PCDHA10: variants seen among roughly 807,000 people sequenced by gnomAD.
PCDHA10 encodes protocadherin alpha-10.
PCDHA10 carries 45 observed loss-of-function variants against 61.2 expected under a neutral mutation model. That is an observed-to-expected ratio of 0.74 (90% CI 0.58 to 0.94). PCDHA10 has a LOEUF of 0.94. Ranked by LOEUF, PCDHA10 falls within the 40% of genes least tolerant of loss-of-function variation. The pLI is 0.00. For missense variants in PCDHA10, 1,278 were observed against 1,236.2 expected (o/e 1.03, Z -0.51); for synonymous variants, 602 against 548.8 (o/e 1.10, Z -1.35).
chr5:140,914,801 A>G (rs976508278), intron 1 of PCDHA10, among the ~76,000 whole-genome samples: 2 of 152,164 alleles, frequency 1.3e-5, no homozygotes, highest in African/African-American at 4.8e-5. Context: ...TTTTAAACTG[A>G]TGGCAACTTA....
At position 140,857,543 on chromosome 5, in the gene PCDHA10, G is replaced by A. The variant is rs782244721; in HGVS notation, c.1495G>A (p.Gly499Ser). The change falls in exon 1 of 4, where the codon GGC (glycine) becomes AGC (serine). Residue 499 changes from glycine (G) to serine (S), a missense_variant. Transcript: ENST00000307360. ...VSYSLVERRL[G>S]ERSLSSYVSV... The stretch of plus-strand genomic sequence containing the variant: ...CTACTCTCTGGTGGAGCGGCGGTTG[G>A]GCGAGCGCTCGCTGTCGAGCTACGT... 2 of 1,597,220 alleles carry A rather than the reference G, an allele frequency of 1.3e-6. No homozygotes were observed. Among genetic ancestry groups the A allele is most frequent in the Admixed American group, 3.4e-5 (2 of 59,340 alleles).
intron 3 of PCDHA10, among the ~76,000 whole-genome samples, chr5:140,984,053 TC>T (rs2097083610): frequency 6.6e-6 from 1 of 152,154 alleles, no homozygotes; most frequent in Non-Finnish European, 1.5e-5. Flanking sequence ...CATTGACAAA[TC>T]TGTACCCTCA....
In PCDHA10 at chr5:140,856,696, A is replaced by C. The variant is rs2044153599; in HGVS notation, c.648A>C (p.Gly216=). The C allele has an allele frequency of 6.3e-7, 1 of 1,596,642 alleles. No homozygotes were observed. The highest frequency in any genetic ancestry group is 8.6e-7 in the Non-Finnish European group (1 of 1,166,408). Residue 216 remains glycine (G), a synonymous_variant, in exon 1 of 4, where the codon GGA becomes GGC. Transcript: ENST00000307360. ...AGTTGTTGTTGACAGCAACTGATGG[A>C]GGCAAACCTGAATTTACCGGATCTG... ...QLKLLLTATD[G]GKPEFTGSVS...
At position 140,857,797 on chromosome 5, in the gene PCDHA10, G is replaced by A. The variant is rs371795952; in HGVS notation, c.1749G>A (p.Ser583=). 1.3e-6 allele frequency: 2 copies of A among 1,597,708 alleles called. No homozygotes were observed. Among genetic ancestry groups the A allele is most frequent in the Middle Eastern group, 1.7e-4 (1 of 5,826 alleles). The change falls in exon 1 of 4, where the codon TCG becomes TCA. Residue 583 remains serine (S), a synonymous_variant. Transcript: ENST00000307360. The stretch of plus-strand genomic sequence containing the variant: ...CAGTCAGTGAGCTGGTGCTGCGGTC[G>A]GTGGTTGCGGGTCACGTGGTGGCTA... ...GGAVSELVLR[S]VVAGHVVAKV...
At chr5:140,931,035 C>A (rs2153606811) in intron 1 of PCDHA10, among the ~76,000 whole-genome samples, 1 of 152,250 alleles carries the variant, frequency 6.6e-6, no homozygotes, top group Non-Finnish European at 1.5e-5. Context: ...GTAGAGCTAG[C>A]AAGAAAAACT....
intron 1 of PCDHA10, among the ~76,000 whole-genome samples, chr5:140,922,711 A>G (rs2080951866): frequency 6.6e-6 from 1 of 152,270 alleles, no homozygotes; most frequent in Non-Finnish European, 1.5e-5. Flanking sequence ...GTCAAGAACA[A>G]AAAGAAACAC....
In PCDHA10 at chr5:140,855,953, T is replaced by TA. The variant is rs2043692800; in HGVS notation, c.-90dup. 2.2e-6 allele frequency: 3 copies of TA among 1,381,096 alleles called. No individual in the cohort carries two copies. Among genetic ancestry groups the TA allele is most frequent in the Admixed American group, 4.7e-5 (2 of 42,822 alleles). 85.6% of individuals were successfully genotyped at this position (1,381,096 alleles called of 1,614,324 possible). A position where few individuals can be genotyped will look rare whatever the true frequency, so the allele number is the denominator to read the frequency against. ...CATTCTGAGATCTCAGCCATTTCGATAAAAAATAGATATAAGAAATAGGAC... is the reference window on the plus strand; with the variant it reads ...CATTCTGAGATCTCAGCCATTTCGATAAAAAAATAGATATAAGAAATAGGAC... On this transcript the variant is annotated 5_prime_UTR_variant, in exon 1 of 4. Transcript: ENST00000307360.
At chr5:140,876,292 A>G in intron 1 of PCDHA10, 1 of 1,614,080 alleles carries the variant, frequency 6.2e-7, no homozygotes, top group Non-Finnish European at 8.5e-7. Context: ...CGAAGGACTT[A>G]ATGGAGAAAT....
chr5:140,858,163 G>A lies in PCDHA10; in HGVS notation c.2115G>A (p.Val705=), dbSNP rs756100804. 2 of 1,597,890 alleles carry A rather than the reference G, an allele frequency of 1.3e-6. No individual in the cohort carries two copies. Among genetic ancestry groups the A allele is most frequent in the Non-Finnish European group, 1.7e-6 (2 of 1,167,606 alleles). ...NVYLIIAICA[V]SSLLVLTLLL... is the part of the protein sequence containing the mutation. ...ACCTGATCATCGCCATCTGCGCGGT[G>A]TCCAGCTTGCTGGTGCTCACGCTGC... The change falls in exon 1 of 4, where the codon GTG becomes GTA. Residue 705 remains valine, a synonymous_variant. Coordinates refer to ENST00000307360, the MANE Select transcript of PCDHA10 (RefSeq NM_018901.4).
intron 1 of PCDHA10, among the ~76,000 whole-genome samples, chr5:140,872,413 G>A (rs2053647330): frequency 6.6e-6 from 1 of 151,990 alleles, no homozygotes; most frequent in Admixed American, 6.6e-5. Flanking sequence ...AATTGCTTGA[G>A]CCCAAGAGTT....
At chr5:140,883,920 T>C in intron 1 of PCDHA10, 1 of 1,613,492 alleles carries the variant, frequency 6.2e-7, no homozygotes, top group Non-Finnish European at 8.5e-7. Flanking sequence ...AACGTGACGC[T>C]GCAGGTGTTC....
At chr5:140,916,367 C>T (rs1400347792) in intron 1 of PCDHA10, among the ~76,000 whole-genome samples, 2 of 152,196 alleles carry the variant, frequency 1.3e-5, no homozygotes, top group Non-Finnish European at 1.5e-5. Context: ...GAGTCTTTCA[C>T]TGTAGCCACC....
At chr5:140,933,106 C>T (rs2088855819) in intron 1 of PCDHA10, among the ~76,000 whole-genome samples, 1 of 151,884 alleles carries the variant, frequency 6.6e-6, no homozygotes. Context: ...AAAGGTTGTT[C>T]TTAAGAAACA....
chr5:140,877,310 C>A, intron 1 of PCDHA10: 2 of 1,613,938 alleles, frequency 1.2e-6, no homozygotes, highest in Non-Finnish European at 1.7e-6. Context: ...GAGTTGCAAC[C>A]GGCGGCGGTC....
In PCDHA10 at chr5:140,985,839, A is replaced by G. The variant is rs570244448; in HGVS notation, c.2536+3276A>G. On this transcript the variant is annotated intron_variant, in intron 3 of 3. Coordinates refer to ENST00000307360, the MANE Select transcript of PCDHA10 (RefSeq NM_018901.4). ...ACAACAAGCTCTGCCTCCCGGGTTC[A>G]TGCCACTCTCCTGCCTCAGCCTCCT... Among the ~76,000 whole-genome samples the G allele has an allele frequency of 6.2e-5, 9 of 144,378 alleles. No homozygotes were observed. The East Asian group carries it at 1.9e-3, about 30-fold the overall frequency. 94.7% of individuals were successfully genotyped at this position (144,378 alleles called of 152,430 possible). A position where few individuals can be genotyped will look rare whatever the true frequency, so the allele number is the denominator to read the frequency against.
At chr5:141,007,712 A>G (rs2098342161) in intron 3 of PCDHA10, among the ~76,000 whole-genome samples, 1 of 152,170 alleles carries the variant, frequency 6.6e-6, no homozygotes, top group Non-Finnish European at 1.5e-5. Context: ...GCCTCCCACC[A>G]CCAGGGAGAA....
rs1164447924 is a variant in PCDHA10, at chr5:141,009,514, AT to A, written c.2537-108del. The A allele has an allele frequency of 1.5e-5, 22 of 1,501,204 alleles. 1 individual carries two copies. The South Asian group carries it at 1.9e-4, about 13-fold the overall frequency. 93.0% of individuals were successfully genotyped at this position (1,501,204 alleles called of 1,614,324 possible). ...CTCAGACTTGAACAAACAACTCGTG[AT>A]TTTTCTGGGGAGGTTCAGCCTGCCT... On this transcript the variant is annotated intron_variant, in intron 3 of 3. Coordinates refer to ENST00000307360, the MANE Select transcript of PCDHA10 (RefSeq NM_018901.4).
At chr5:140,890,204 CT>C (rs1256018806) in intron 1 of PCDHA10, among the ~76,000 whole-genome samples, 2 of 151,984 alleles carry the variant, frequency 1.3e-5, no homozygotes, top group African/African-American at 4.8e-5. Context: ...TTTTGTTTTT[CT>C]TTTTTCCCAG....
chr5:140,995,434 A>G (rs146744164), intron 3 of PCDHA10, among the ~76,000 whole-genome samples: 4 of 152,320 alleles, frequency 2.6e-5, no homozygotes, highest in African/African-American at 7.2e-5. Context: ...ACAGCTTGCA[A>G]TTTAAAACTT....
Sources: allele counts gnomAD v4.1 joint callset (sites outside exome capture counted in the v4.1 genomes callset), GRCh38; gene constraint gnomAD v4.1.1; transcripts MANE v1.5; gene names NCBI Gene and HGNC (gene_info 2026-07-23, HGNC 2026-07-21).